The following MEIS1 variants were observed in gnomAD, a reference collection of about 807,000 sequenced individuals.
MEIS1 encodes homeobox protein Meis1.
Under a neutral mutation model 50.8 loss-of-function variants are expected in MEIS1, and 5 were observed. The ratio of observed to expected loss-of-function variants is 0.10; its 90% CI spans 0.05 to 0.21. The LOEUF (loss-of-function observed/expected upper bound fraction) is 0.21, where lower values mean the gene tolerates loss of function less well. Ranked by LOEUF, MEIS1 falls within the 10% of genes least tolerant of loss-of-function variation. MEIS1 has a pLI of 1.00. For missense variants in MEIS1, 318 were observed against 517.3 expected (o/e 0.61, Z 3.74); for synonymous variants, 176 against 179.3 (o/e 0.98, Z 0.15).
At chr2:66,478,547 G>A (rs1275918586) in intron 7 of MEIS1, among the ~76,000 whole-genome samples, 1 of 152,214 alleles carries the variant, frequency 6.6e-6, no homozygotes, top group Non-Finnish European at 1.5e-5. Flanking sequence ...GTTGATATCA[G>A]TGAGCTTCAT....
At chr2:66,498,177 T>C (rs1447241794) in intron 7 of MEIS1, among the ~76,000 whole-genome samples, 1 of 152,162 alleles carries the variant, frequency 6.6e-6, no homozygotes, top group Non-Finnish European at 1.5e-5. Flanking sequence ...TCAAATGGTG[T>C]ACTCACTAGC....
chr2:66,529,230 A>G (rs745661046), intron 8 of MEIS1, among the ~76,000 whole-genome samples: 1 of 152,138 alleles, frequency 6.6e-6, no homozygotes, highest in Non-Finnish European at 1.5e-5. Context: ...CTTTCTATCT[A>G]GAGGTCAGGA....
At chr2:66,523,528 A>C (rs1051312301) in intron 8 of MEIS1, among the ~76,000 whole-genome samples, 1 of 152,240 alleles carries the variant, frequency 6.6e-6, no homozygotes, top group African/African-American at 2.4e-5. Flanking sequence ...CCCACAAGGA[A>C]ACATCTTCAT....
At chr2:66,509,573 G>A (rs1673773447) in intron 7 of MEIS1, among the ~76,000 whole-genome samples, 1 of 152,170 alleles carries the variant, frequency 6.6e-6, no homozygotes, top group Admixed American at 6.5e-5. Flanking sequence ...GACTGAAGGG[G>A]GTGATCTGGC....
At chr2:66,437,023 C>A in intron 1 of MEIS1, 3 of 867,616 alleles carry the variant, frequency 3.5e-6, no homozygotes, top group Non-Finnish European at 2.8e-6. Context: ...ATATTAGCTG[C>A]TTCAACTATA....
intron 9 of MEIS1, among the ~76,000 whole-genome samples, chr2:66,561,880 A>T (rs1248243326): frequency 6.6e-6 from 1 of 152,080 alleles, no homozygotes; most frequent in Non-Finnish European, 1.5e-5. Context: ...AGGCAACACC[A>T]TTGTGATTTT....
chr2:66,441,606 C>T, intron 5 of MEIS1, 142 bp downstream of exon 5: 1 of 667,162 alleles, frequency 1.5e-6, no homozygotes, highest in Admixed American at 3.9e-5. Context: ...CAAGGCCAAT[C>T]TTAGCGTCCA....
intron 9 of MEIS1, among the ~76,000 whole-genome samples, chr2:66,563,355 C>G (rs1024391808): frequency 1.4e-4 from 22 of 152,022 alleles, no homozygotes; most frequent in African/African-American, 4.6e-4. Context: ...TTCCAAAACA[C>G]TATTTCTTCT....
Position 66,520,532 on chromosome 2 carries a change from A to ATTTTTTT in MEIS1, c.888+8238_888+8239insTTTTTTT, listed in dbSNP as rs1228402577. Among the ~76,000 whole-genome samples the ATTTTTTT allele has an allele frequency of 4.7e-4, 72 of 152,234 alleles. 2 individuals carry two copies. The South Asian group carries it at 0.015, about 32-fold the overall frequency. The stretch of plus-strand genomic sequence containing the variant: ...CAACTTCAAGGGGGAAGAACTTCAC[A>ATTTTTTT]AAATGAATTCGTTGAAAAAATAAAA... On this transcript the variant is annotated intron_variant, in intron 8 of 12. Transcript: ENST00000272369.
chr2:66,482,113 G>T (rs1673031598), intron 7 of MEIS1, among the ~76,000 whole-genome samples: 1 of 152,024 alleles, frequency 6.6e-6, no homozygotes, highest in African/African-American at 2.4e-5. Context: ...GCCTACGTCG[G>T]CCTCCCAAAG....
intron 6 of MEIS1, among the ~76,000 whole-genome samples, chr2:66,460,981 T>G (rs1156351771): frequency 6.6e-6 from 1 of 152,214 alleles, no homozygotes; most frequent in Non-Finnish European, 1.5e-5. Context: ...TAAGACCTCT[T>G]GTCTTACTGG....
chr2:66,459,873 G>A (rs1672479135), intron 6 of MEIS1, among the ~76,000 whole-genome samples: 1 of 152,160 alleles, frequency 6.6e-6, no homozygotes, highest in African/African-American at 2.4e-5. Flanking sequence ...TGAGGTGGAT[G>A]TCTTTGCATG....
chr2:66,451,785 T>C (rs1468708224), intron 6 of MEIS1, among the ~76,000 whole-genome samples: 1 of 151,946 alleles, frequency 6.6e-6, no homozygotes, highest in African/African-American at 2.4e-5. Flanking sequence ...AGCTTCAAAA[T>C]GGAGATACTT....
At chr2:66,494,160 C>A (rs1474119788) in intron 7 of MEIS1, among the ~76,000 whole-genome samples, 1 of 152,194 alleles carries the variant, frequency 6.6e-6, no homozygotes, top group Non-Finnish European at 1.5e-5. Flanking sequence ...TCAGCCTTCT[C>A]ACTCCTTTCA....
At position 66,435,231 on chromosome 2, in the gene MEIS1, CAG is replaced by C. The variant is rs898040909; in HGVS notation, c.-624_-623del. ...GTGGCTCCTTTAAGACAAACTCAGACAGACATTTTTTTTAACCCTCCTTCTCT... is the reference window on the plus strand; with the variant it reads ...GTGGCTCCTTTAAGACAAACTCAGACACATTTTTTTTAACCCTCCTTCTCT... On this transcript the variant is annotated 5_prime_UTR_variant, in exon 1 of 13. Transcript: ENST00000272369. The C allele has an allele frequency of 6.6e-6, 1 of 152,560 alleles. No homozygotes were observed. The highest frequency in any genetic ancestry group is 1.5e-5 in the Non-Finnish European group (1 of 68,352). The allele number at this position is 152,560 out of a possible 1,614,324, so 9.5% of individuals were successfully genotyped here.
chr2:66,498,735 G>A (rs12619205), intron 7 of MEIS1, among the ~76,000 whole-genome samples: 75,130 of 151,954 alleles, frequency 0.49, 19,744 homozygotes, highest in African/African-American at 0.67. Flanking sequence ...TGTGCACCCA[G>A]CACACTTTCT....
intron 8 of MEIS1, among the ~76,000 whole-genome samples, chr2:66,526,908 C>A (rs1674265015): frequency 6.6e-6 from 1 of 152,102 alleles, no homozygotes; most frequent in African/African-American, 2.4e-5. Flanking sequence ...AGGCCCACAC[C>A]TTGAAGTGAA....
intron 7 of MEIS1, among the ~76,000 whole-genome samples, chr2:66,497,987 G>A (rs1013353834): frequency 2.6e-5 from 4 of 151,600 alleles, no homozygotes; most frequent in Non-Finnish European, 4.4e-5. Context: ...CTTTTTTTGG[G>A]GGGCTGTGGG....
At chr2:66,535,239 C>A (rs1674489308) in intron 8 of MEIS1, among the ~76,000 whole-genome samples, 2 of 152,080 alleles carry the variant, frequency 1.3e-5, no homozygotes, top group South Asian at 4.1e-4. Context: ...ATTTTGTTTT[C>A]TCTTGTATAG....
Sources: gnomAD v4.1 joint callset for allele counts (sites outside exome capture counted in the v4.1 genomes callset) on GRCh38, gnomAD v4.1.1 for gene constraint, MANE v1.5 for transcripts, NCBI Gene and HGNC (gene_info 2026-07-23, HGNC 2026-07-21) for gene names.